The following AK9 variants were observed in gnomAD, a reference collection of about 807,000 sequenced individuals.
The protein encoded by AK9 is adenylate kinase 9.
AK9 carries 191 observed loss-of-function variants against 239.6 expected under a neutral mutation model. The ratio of observed to expected loss-of-function variants is 0.80; its 90% CI spans 0.71 to 0.90. AK9 has a LOEUF of 0.90. Ranked by LOEUF, AK9 falls within the 40% of genes least tolerant of loss-of-function variation. The pLI, the probability that AK9 is intolerant of heterozygous loss-of-function variation, is 0.00. For missense variants in AK9, 1,995 were observed against 2,214.7 expected, an observed-to-expected ratio of 0.90 and a Z score of 1.99; for synonymous variants, 689 against 721.0, an observed-to-expected ratio of 0.96 and a Z score of 0.71.
intron 26 of AK9, 133 bp downstream of exon 26, chr6:109,545,734 T>C (rs1783465393): frequency 8.9e-7 from 1 of 1,123,808 alleles, no homozygotes; most frequent in East Asian, 2.5e-5. Flanking sequence ...CCCAGGGAAG[T>C]TGAGGCTTTG....
At chr6:109,689,809 G>T (rs767075423) in intron 1 of AK9, among the ~76,000 whole-genome samples, 22 of 152,062 alleles carry the variant, frequency 1.4e-4, no homozygotes, top group Non-Finnish European at 3.1e-4. Flanking sequence ...AATCCTTCAG[G>T]TATTTTAAGA....
intron 21 of AK9, among the ~76,000 whole-genome samples, chr6:109,571,576 C>G (rs1196794519): frequency 6.6e-6 from 1 of 152,038 alleles, no homozygotes; most frequent in South Asian, 2.1e-4. Context: ...ATGATGATTT[C>G]CCCCATCTTT....
chr6:109,565,095 T>C (rs530073674), intron 21 of AK9, among the ~76,000 whole-genome samples: 2 of 152,324 alleles, frequency 1.3e-5, no homozygotes, highest in African/African-American at 2.4e-5. Context: ...CATACAATTC[T>C]GGCTGATAAT....
chr6:109,584,802 T>C (rs886093449), intron 19 of AK9, among the ~76,000 whole-genome samples: 3 of 152,172 alleles, frequency 2.0e-5, no homozygotes, highest in African/African-American at 7.2e-5. Flanking sequence ...TTGTAAATGC[T>C]AGTTAACAAA....
chr6:109,679,825 G>A (rs574305907), intron 1 of AK9, among the ~76,000 whole-genome samples: 1 of 152,318 alleles, frequency 6.6e-6, no homozygotes, highest in African/African-American at 2.4e-5. Context: ...AGTCTAGAGT[G>A]GACCTCCAGC....
At chr6:109,545,077 T>C (rs967429963) in intron 26 of AK9, among the ~76,000 whole-genome samples, 5 of 152,192 alleles carry the variant, frequency 3.3e-5, no homozygotes, top group Non-Finnish European at 7.3e-5. Flanking sequence ...TATTTTCTCT[T>C]CTTAGAAACT....
chr6:109,589,380 T>C (rs747988671), intron 17 of AK9, among the ~76,000 whole-genome samples: 8 of 152,318 alleles, frequency 5.3e-5, no homozygotes, highest in Middle Eastern at 3.4e-3. Context: ...CTCAGCTTGA[T>C]TGTTATTGGT....
chr6:109,637,193 T>G (rs540712167), intron 10 of AK9, among the ~76,000 whole-genome samples: 57 of 152,332 alleles, frequency 3.7e-4, no homozygotes, highest in African/African-American at 1.3e-3. Context: ...TTTATATATC[T>G]TCTTTAGAGA....
At chr6:109,507,670 C>T (rs1439129478) in intron 33 of AK9, among the ~76,000 whole-genome samples, 1 of 152,194 alleles carries the variant, frequency 6.6e-6, no homozygotes, top group African/African-American at 2.4e-5. Context: ...TGGTGGTCAT[C>T]AGGAAGTTTG....
chr6:109,607,345 C>T (rs572459703), intron 17 of AK9, among the ~76,000 whole-genome samples: 1 of 152,158 alleles, frequency 6.6e-6, no homozygotes, highest in South Asian at 2.1e-4. Context: ...TGCATTCAAC[C>T]AACCATGGAT....
At chr6:109,680,256 A>T (rs530343641) in intron 1 of AK9, among the ~76,000 whole-genome samples, 2 of 152,344 alleles carry the variant, frequency 1.3e-5, no homozygotes, top group South Asian at 4.1e-4. Context: ...AGAGAAGAAC[A>T]TAAATGACCT....
intron 24 of AK9, among the ~76,000 whole-genome samples, chr6:109,552,336 T>C (rs1312749725): frequency 6.6e-6 from 1 of 152,212 alleles, no homozygotes; most frequent in Non-Finnish European, 1.5e-5. Flanking sequence ...TGTAAAAGCA[T>C]TCCTATTTCT....
At chr6:109,688,110 TG>T (rs1773779374) in intron 1 of AK9, among the ~76,000 whole-genome samples, 2 of 152,232 alleles carry the variant, frequency 1.3e-5, no homozygotes, top group Admixed American at 6.5e-5. Context: ...CTACTGCTGC[TG>T]AATGTTCTAC....
At chr6:109,571,236 TA>T in intron 21 of AK9, among the ~76,000 whole-genome samples, 1 of 152,156 alleles carries the variant, frequency 6.6e-6, no homozygotes, top group Admixed American at 6.6e-5. Context: ...ATTATCCTAA[TA>T]CCACATAGCT....
intron 1 of AK9, chr6:109,690,701 G>T (rs1431988131): frequency 6.6e-6 from 1 of 152,238 alleles, no homozygotes; most frequent in Non-Finnish European, 1.5e-5. Context: ...CACAACTATG[G>T]AAGAGAGGGT....
intron 38 of AK9, among the ~76,000 whole-genome samples, chr6:109,495,879 T>C (rs1363081476): frequency 2.0e-5 from 3 of 151,948 alleles, no homozygotes; most frequent in African/African-American, 7.3e-5. Context: ...TCTCCAGGCA[T>C]CTTACTACAG....
intron 1 of AK9, among the ~76,000 whole-genome samples, chr6:109,688,404 A>G (rs1773832157): frequency 6.6e-6 from 1 of 152,184 alleles, no homozygotes; most frequent in Non-Finnish European, 1.5e-5. Context: ...AAAGGTTTAG[A>G]GTATGTCTCA....
At chr6:109,634,335 C>T (rs1796464187) in intron 10 of AK9, among the ~76,000 whole-genome samples, 1 of 152,198 alleles carries the variant, frequency 6.6e-6, no homozygotes, top group East Asian at 1.9e-4. Flanking sequence ...GATGCCAGTG[C>T]CATGCACTTG....
At chr6:109,575,997 T>C (rs1368258835) in intron 20 of AK9, among the ~76,000 whole-genome samples, 1 of 152,204 alleles carries the variant, frequency 6.6e-6, no homozygotes, top group Non-Finnish European at 1.5e-5. Context: ...TTTGACTGTA[T>C]TTCTGGGTTC....
Sources: allele counts gnomAD v4.1 joint callset (sites outside exome capture counted in the v4.1 genomes callset), GRCh38; gene constraint gnomAD v4.1.1; transcripts MANE v1.5; gene names NCBI Gene and HGNC (gene_info 2026-07-23, HGNC 2026-07-21).